BRD10: variants seen among roughly 807,000 people sequenced by gnomAD.
BRD10 encodes bromodomain containing 10.
chr9:5,968,786 C>T, the BRD10 span: 3 of 1,613,704 alleles, frequency 1.9e-6, no homozygotes, highest in Non-Finnish European at 2.5e-6. Context: ...TTTATAAATC[C>T]GTACATCTGC....
chr9:5,966,756 C>A, the BRD10 span, among the ~76,000 whole-genome samples: 1 of 151,886 alleles, frequency 6.6e-6, no homozygotes, highest in East Asian at 1.9e-4. Context: ...CCGTGCCCAG[C>A]CTAGAGACTA....
At chr9:5,902,577 C>T in the BRD10 span, among the ~76,000 whole-genome samples, 1 of 151,924 alleles carries the variant, frequency 6.6e-6, no homozygotes, top group Non-Finnish European at 1.5e-5. Flanking sequence ...CACTCCAATC[C>T]TCCTGGCTCA....
the BRD10 span, among the ~76,000 whole-genome samples, chr9:6,008,457 T>C: frequency 6.6e-6 from 1 of 151,546 alleles, no homozygotes; most frequent in Non-Finnish European, 1.5e-5. Flanking sequence ...AAAGAGGCCC[T>C]GTCGCCATCC....
At chr9:5,889,279 T>C in the BRD10 span, among the ~76,000 whole-genome samples, 1 of 152,204 alleles carries the variant, frequency 6.6e-6, no homozygotes, top group South Asian at 2.1e-4. Context: ...ATCTGCCATA[T>C]TCACCTGACC....
At chr9:5,884,071 G>A in the BRD10 span, among the ~76,000 whole-genome samples, 12 of 152,162 alleles carry the variant, frequency 7.9e-5, no homozygotes, top group African/African-American at 2.4e-4. Context: ...AACCCAGAGC[G>A]CAGTCTCTCT....
At chr9:5,879,986 C>T in the BRD10 span, among the ~76,000 whole-genome samples, 1 of 152,186 alleles carries the variant, frequency 6.6e-6, no homozygotes, top group African/African-American at 2.4e-5. Context: ...GTGGTATGAT[C>T]TCAGCTCACT....
the BRD10 span, chr9:6,007,634 C>T: frequency 8.9e-5 from 142 of 1,602,402 alleles, no homozygotes; most frequent in Non-Finnish European, 1.1e-4. Context: ...TCGTCCGCGT[C>T]CTCCAGCGAG....
At chr9:5,987,234 G>C in the BRD10 span, among the ~76,000 whole-genome samples, 1 of 151,428 alleles carries the variant, frequency 6.6e-6, no homozygotes, top group Non-Finnish European at 1.5e-5. Flanking sequence ...ACTTATCTTT[G>C]TCTCTTCCTT....
At chr9:5,904,511 C>T in the BRD10 span, among the ~76,000 whole-genome samples, 24 of 152,096 alleles carry the variant, frequency 1.6e-4, no homozygotes, top group African/African-American at 5.1e-4. Flanking sequence ...CTCACTCTGT[C>T]GCCCAGGCTG....
chr9:5,923,560 G>A, the BRD10 span, among the ~76,000 whole-genome samples: 3 of 152,078 alleles, frequency 2.0e-5, no homozygotes, highest in African/African-American at 7.2e-5. Flanking sequence ...AAAATTTTTG[G>A]TCAAGAATTC....
the BRD10 span, among the ~76,000 whole-genome samples, chr9:5,956,231 G>T: frequency 2.0e-5 from 3 of 152,152 alleles, no homozygotes; most frequent in African/African-American, 7.2e-5. Flanking sequence ...CTAAACACAG[G>T]TACTAAATTC....
chr9:5,944,738 A>C, the BRD10 span: 2 of 514,004 alleles, frequency 3.9e-6, no homozygotes, highest in South Asian at 3.3e-5. Context: ...AAATAAAAGA[A>C]ACAATGTTTC....
the BRD10 span, among the ~76,000 whole-genome samples, chr9:5,986,153 GTGT>G: frequency 2.7e-4 from 41 of 152,244 alleles, no homozygotes; most frequent in African/African-American, 9.9e-4. Context: ...GCTCCGGTGT[GTGT>G]TGTTCCCCTC....
At chr9:5,924,700 T>C in the BRD10 span, 15 of 1,558,854 alleles carry the variant, frequency 9.6e-6, no homozygotes, top group South Asian at 1.5e-4. Flanking sequence ...AGAGGTTCTG[T>C]TGAGTCTATA....
chr9:5,888,436 C>T, the BRD10 span, among the ~76,000 whole-genome samples: 1 of 152,166 alleles, frequency 6.6e-6, no homozygotes, highest in Non-Finnish European at 1.5e-5. Flanking sequence ...TTGCTAAAGA[C>T]ATCACTTGTT....
the BRD10 span, among the ~76,000 whole-genome samples, chr9:5,911,376 T>A: frequency 1.3e-5 from 2 of 151,250 alleles, no homozygotes; most frequent in African/African-American, 4.9e-5. Flanking sequence ...GTTTCTGAGT[T>A]CTCTATTGTG....
At chr9:5,963,728 C>G in the BRD10 span, among the ~76,000 whole-genome samples, 1 of 152,058 alleles carries the variant, frequency 6.6e-6, no homozygotes, top group Non-Finnish European at 1.5e-5. Flanking sequence ...TGGAACAGAA[C>G]AGAGCCCTCA....
At chr9:5,923,239 T>C in the BRD10 span, 10 of 1,613,842 alleles carry the variant, frequency 6.2e-6, no homozygotes, top group East Asian at 2.2e-4. Context: ...GTAAGTCTTT[T>C]GAAGGCAATT....
chr9:5,991,160 T>G, the BRD10 span, among the ~76,000 whole-genome samples: 2 of 85,530 alleles, frequency 2.3e-5, no homozygotes, highest in Admixed American at 2.9e-4. Context: ...TATGTGCATG[T>G]GTGTTTTGTG....
Sources: allele counts gnomAD v4.1 joint callset (sites outside exome capture counted in the v4.1 genomes callset), GRCh38; gene constraint gnomAD v4.1.1; transcripts MANE v1.5; gene names NCBI Gene and HGNC (gene_info 2026-07-23, HGNC 2026-07-21).